The following PRKX variants were observed in gnomAD, a reference collection of about 807,000 sequenced individuals.
PRKX encodes protein kinase cAMP-dependent X-linked catalytic subunit, also known as cAMP-dependent protein kinase catalytic subunit PRKX.
PRKX carries 12 observed loss-of-function variants against 22.0 expected under a neutral mutation model. That is an observed-to-expected ratio of 0.54 (90% CI 0.35 to 0.88). The LOEUF (loss-of-function observed/expected upper bound fraction) is 0.88. Ranked by LOEUF, PRKX falls within the 40% of genes least tolerant of loss-of-function variation. The probability of loss-of-function intolerance (pLI) is 0.01; values close to 1 mark genes in which losing one functional copy is unlikely to be tolerated. For missense variants in PRKX, 217 were observed against 308.0 expected (o/e 0.70, Z 2.21); for synonymous variants, 134 against 137.7 (o/e 0.97, Z 0.19).
intron 1 of PRKX, among the ~76,000 whole-genome samples, chrX:3,681,044 T>C (rs771931754): frequency 9.2e-6 from 1 of 108,753 alleles, no homozygotes; most frequent in South Asian, 4.0e-4. Context: ...CGCACTGCAG[T>C]CTGGGCAACA....
At chrX:3,668,546 T>C (rs2146592269) in intron 2 of PRKX, among the ~76,000 whole-genome samples, 1 of 111,983 alleles carries the variant, frequency 8.9e-6, no homozygotes, top group Non-Finnish European at 1.9e-5. Context: ...TTCCAAGAGA[T>C]GCATCCACTC....
intron 2 of PRKX, among the ~76,000 whole-genome samples, chrX:3,656,725 T>C (rs992382708): frequency 8.9e-6 from 1 of 112,097 alleles, no homozygotes; most frequent in African/African-American, 3.2e-5. Flanking sequence ...GATAAGCATA[T>C]AGATGGACAT....
chrX:3,624,070 G>T (rs761481314), intron 5 of PRKX, among the ~76,000 whole-genome samples: 1 of 110,954 alleles, frequency 9.0e-6, no homozygotes. Context: ...TAAGAAAAAT[G>T]CCTCATTAAG....
intron 2 of PRKX, among the ~76,000 whole-genome samples, chrX:3,663,553 CAGG>C (rs1266731282): frequency 9.8e-6 from 1 of 101,838 alleles, no homozygotes; most frequent in African/African-American, 3.7e-5. Flanking sequence ...CTCTTGAGCC[CAGG>C]AGGTCAAGGA....
At chrX:3,654,464 T>G (rs867639531) in intron 3 of PRKX, among the ~76,000 whole-genome samples, 1 of 76,588 alleles carries the variant, frequency 1.3e-5, no homozygotes, top group African/African-American at 4.4e-5. Context: ...TTGGTTTTTT[T>G]TTTTTTTTTT....
At chrX:3,616,455 G>A (rs1926422826) in intron 6 of PRKX, among the ~76,000 whole-genome samples, 1 of 111,495 alleles carries the variant, frequency 9.0e-6, no homozygotes, top group Non-Finnish European at 1.9e-5. Flanking sequence ...AGGCATCGCT[G>A]GCTCACACTG....
rs112485057 is a variant in PRKX at position 3,622,432 on chromosome X, C to T, written c.816-1116G>A. 4.4e-3 allele frequency among the ~76,000 whole-genome samples: 485 copies of T among 111,002 alleles called. 4 individuals carry two copies. Among genetic ancestry groups the T allele is most frequent in the African/African-American group, 0.015 (445 of 30,534 alleles). On this transcript the variant is annotated intron_variant, in intron 5 of 8. Transcript: ENST00000262848. ...CCCGGTGTAAGCGTCTAGGCTTTCC[C>T]AGCATAAACTATGCCCCAAGGTAAG... is the stretch of plus-strand genomic sequence containing the variant.
At chrX:3,610,855 GAC>G (rs1926280865) in intron 8 of PRKX, 1 of 111,553 alleles carries the variant, frequency 9.0e-6, no homozygotes, top group African/African-American at 3.3e-5. Context: ...TTCCTGGAGA[GAC>G]ACAATTTGTA....
At chrX:3,652,879 G>T (rs1249563641) in intron 3 of PRKX, among the ~76,000 whole-genome samples, 1 of 110,766 alleles carries the variant, frequency 9.0e-6, no homozygotes, top group African/African-American at 3.3e-5. Flanking sequence ...ACAATCCTGT[G>T]AGGACACAGG....
intron 3 of PRKX, among the ~76,000 whole-genome samples, chrX:3,654,565 C>T (rs1355437203): frequency 9.8e-6 from 1 of 102,063 alleles, no homozygotes; most frequent in African/African-American, 3.6e-5. Flanking sequence ...GCCTCAACTT[C>T]CGGGGCTCAA....
intron 1 of PRKX, among the ~76,000 whole-genome samples, chrX:3,696,588 G>A (rs1045968693): frequency 8.9e-6 from 1 of 111,810 alleles, no homozygotes; most frequent in Non-Finnish European, 1.9e-5. Flanking sequence ...CTCGAAGCGC[G>A]GGTTCCACGG....
In PRKX at chrX:3,693,872, G is replaced by T. The variant is rs769480878; in HGVS notation, c.167-19106C>A. 5.1e-3 allele frequency among the ~76,000 whole-genome samples: 521 copies of T among 101,419 alleles called. 1 individual carries two copies. The highest frequency in any genetic ancestry group is 8.4e-3 in the Non-Finnish European group (419 of 49,684). 88.1% of individuals were successfully genotyped at this position (101,419 alleles called of 115,157 possible). A position where few individuals can be genotyped will look rare whatever the true frequency, so the allele number is the denominator to read the frequency against. On this transcript the variant is annotated intron_variant, in intron 1 of 8. Transcript: ENST00000262848. ...GGAGAATGGCGTGAACCCGGGAGGT[G>T]GAGCTTGCAGTGAGCCGAGATTGCG...
chrX:3,695,363 A>AT (rs1443716456), intron 1 of PRKX, among the ~76,000 whole-genome samples: 1 of 111,699 alleles, frequency 9.0e-6, no homozygotes, highest in African/African-American at 3.3e-5. Flanking sequence ...TCAAAGTGAG[A>AT]TTTTTTGTTT....
intron 1 of PRKX, among the ~76,000 whole-genome samples, chrX:3,701,363 C>T (rs988740237): frequency 1.8e-5 from 2 of 112,456 alleles, no homozygotes; most frequent in Admixed American, 9.5e-5. Context: ...TCCTTGACCT[C>T]CCAAAGCACT....
At chrX:3,710,614 T>A (rs1204593254) in intron 1 of PRKX, among the ~76,000 whole-genome samples, 1 of 111,690 alleles carries the variant, frequency 9.0e-6, no homozygotes. Context: ...GCACAAGTGA[T>A]CCGCCTGCCT....
At chrX:3,691,839 T>C (rs924202504) in intron 1 of PRKX, among the ~76,000 whole-genome samples, 6 of 95,039 alleles carry the variant, frequency 6.3e-5, no homozygotes, top group Non-Finnish European at 1.1e-4. Flanking sequence ...GATAGATGGA[T>C]AGATAGAAAG....
At chrX:3,678,944 T>C (rs1928018066) in intron 1 of PRKX, among the ~76,000 whole-genome samples, 1 of 111,797 alleles carries the variant, frequency 8.9e-6, no homozygotes, top group African/African-American at 3.2e-5. Flanking sequence ...GCTCTTTCCT[T>C]CCTGATAAGG....
intron 4 of PRKX, among the ~76,000 whole-genome samples, chrX:3,638,906 A>G (rs1158764189): frequency 2.9e-5 from 3 of 105,103 alleles, no homozygotes; most frequent in Non-Finnish European, 5.8e-5. Flanking sequence ...TGGTACATGA[A>G]TGACAGATAG....
chrX:3,689,833 C>T (rs1458419921), intron 1 of PRKX, among the ~76,000 whole-genome samples: 6 of 111,191 alleles, frequency 5.4e-5, no homozygotes, highest in South Asian at 3.8e-4. Context: ...AAAAATTAGC[C>T]GAGTGTGGTG....
Sources: allele counts gnomAD v4.1 joint callset (sites outside exome capture counted in the v4.1 genomes callset), GRCh38; gene constraint gnomAD v4.1.1; transcripts MANE v1.5; gene names NCBI Gene and HGNC (gene_info 2026-07-23, HGNC 2026-07-21).